The following AGAP1 variants were observed in gnomAD, a reference collection of about 807,000 sequenced individuals.
AGAP1 encodes the protein arf-GAP with GTPase, ANK repeat and PH domain-containing protein 1.
Under a neutral mutation model 105.3 loss-of-function variants are expected in AGAP1, and 29 were observed. The ratio of observed to expected loss-of-function variants is 0.28; its 90% CI spans 0.21 to 0.38. The LOEUF (loss-of-function observed/expected upper bound fraction) is 0.38, where lower values mean the gene tolerates loss of function less well. AGAP1 is among the 10% of genes least tolerant of loss of function. The pLI is 1.00. For synonymous variants in AGAP1, 509 were observed against 485.9 expected, an observed-to-expected ratio of 1.05 and a Z score of -0.63; for missense variants, 998 against 1,165.1, an observed-to-expected ratio of 0.86 and a Z score of 2.09.
intron 1 of AGAP1, among the ~76,000 whole-genome samples, chr2:235,616,229 C>T (rs898211274): frequency 4.0e-5 from 6 of 151,650 alleles, no homozygotes; most frequent in East Asian, 1.9e-4. Context: ...GGTGTGGTGA[C>T]GTGCACCTGT....
chr2:235,769,999 C>T lies in AGAP1; in HGVS notation c.673+19511C>T, dbSNP rs1347769387. ...TATCTTCTGAATACACACATTTAAA[C>T]ATGTTTTTGTGATTAAAATAACTTG... On this transcript the variant is annotated intron_variant, in intron 6 of 17. Transcript: ENST00000304032. The surrounding 1 kb of genome is among the most constrained non-coding windows in gnomAD (Gnocchi z 4.4). 1.3e-5 allele frequency among the ~76,000 whole-genome samples: 2 copies of T among 152,186 alleles called. No individual in the cohort carries two copies. Among genetic ancestry groups the T allele is most frequent in the Non-Finnish European group, 2.9e-5 (2 of 68,040 alleles).
chr2:235,509,764 C>G (rs566378793), intron 1 of AGAP1, among the ~76,000 whole-genome samples: 1 of 152,078 alleles, frequency 6.6e-6, no homozygotes, highest in Non-Finnish European at 1.5e-5. Flanking sequence ...TAAGATCATG[C>G]ATTAAAAAGG....
intron 2 of AGAP1, among the ~76,000 whole-genome samples, chr2:235,711,271 C>T (rs1351026360): frequency 6.6e-6 from 1 of 152,222 alleles, no homozygotes; most frequent in Admixed American, 6.5e-5. Flanking sequence ...AGCGGCCACC[C>T]TACTGCCAGC....
chr2:235,608,852 G>A lies in AGAP1; in HGVS notation c.164-100327G>A, dbSNP rs947419441. 6.6e-6 allele frequency among the ~76,000 whole-genome samples: 1 copy of A among 152,170 alleles called. No individual in the cohort carries two copies. Among genetic ancestry groups the A allele is most frequent in the African/African-American group, 2.4e-5 (1 of 41,442 alleles). ...AGGGTGAAATTCGAATAGATTGTACGAAGGTTTGAGAGCTGGCATGACCCA... is the reference window on the plus strand; with the variant it reads ...AGGGTGAAATTCGAATAGATTGTACAAAGGTTTGAGAGCTGGCATGACCCA... On this transcript the variant is annotated intron_variant, in intron 1 of 17. Coordinates refer to ENST00000304032, the MANE Select transcript of AGAP1 (RefSeq NM_001037131.3). This position sits in a 1 kb window ranked among gnomAD's most constrained non-coding sequence, Gnocchi z 5.4.
chr2:235,541,958 TC>T (rs1943456474), intron 1 of AGAP1, among the ~76,000 whole-genome samples: 1 of 152,192 alleles, frequency 6.6e-6, no homozygotes, highest in Admixed American at 6.5e-5. Context: ...TGGTATGACC[TC>T]CATTGGTTCT....
At chr2:236,049,560 TTTAA>T (rs2057831812) in intron 16 of AGAP1, 2 of 296,610 alleles carry the variant, frequency 6.7e-6, no homozygotes, top group Non-Finnish European at 1.3e-5. Context: ...AATATATTAC[TTTAA>T]TTAATACATT....
chr2:235,819,449 A>C (rs1443241127), intron 9 of AGAP1, among the ~76,000 whole-genome samples: 1 of 152,006 alleles, frequency 6.6e-6, no homozygotes, highest in African/African-American at 2.4e-5. Context: ...AGTGATGCTG[A>C]TGCTGCTAAT....
At position 235,732,244 on chromosome 2, in the gene AGAP1, TTAAA is replaced by T. The variant is rs1044165546; in HGVS notation, c.311-8716_311-8713del. Among the ~76,000 whole-genome samples the T allele has an allele frequency of 2.7e-4, 41 of 152,370 alleles. No homozygotes were observed. Among genetic ancestry groups the T allele is most frequent in the African/African-American group, 9.6e-4 (40 of 41,588 alleles). On this transcript the variant is annotated intron_variant, in intron 3 of 17. Coordinates refer to ENST00000304032, the MANE Select transcript of AGAP1 (RefSeq NM_001037131.3). The surrounding 1 kb of genome is among the most constrained non-coding windows in gnomAD (Gnocchi z 4.8). ...GTCCGTTTGTCAATGAACTTCTCTCTTAAATACTTTACCTCTGTCTTTTTAATCT... is the reference window on the plus strand; with the variant it reads ...GTCCGTTTGTCAATGAACTTCTCTCTTACTTTACCTCTGTCTTTTTAATCT...
rs557502321 is a variant in AGAP1 at position 235,747,610 on chromosome 2, C to T, written c.539-2744C>T. ...ACCTGCGGGATTCTCTTGGTCCTTC[C>T]CTAGACTTCAGGGAGCACCCCAGAA... On this transcript the variant is annotated intron_variant, in intron 5 of 17. Coordinates refer to ENST00000304032, the MANE Select transcript of AGAP1 (RefSeq NM_001037131.3). The surrounding 1 kb of genome is among the most constrained non-coding windows in gnomAD (Gnocchi z 5.0). Among the ~76,000 whole-genome samples the T allele has an allele frequency of 7.9e-5, 12 of 152,294 alleles. No homozygotes were observed. The South Asian group carries it at 2.5e-3, about 32-fold the overall frequency.
At position 235,714,335 on chromosome 2, in the gene AGAP1, A is replaced by G. The variant is rs1311468076; in HGVS notation, c.223-3222A>G. On this transcript the variant is annotated intron_variant, in intron 2 of 17. Coordinates refer to ENST00000304032, the MANE Select transcript of AGAP1 (RefSeq NM_001037131.3). This position sits in a 1 kb window ranked among gnomAD's most constrained non-coding sequence, Gnocchi z 4.1. ...CCAGCCAGGGGTTAGGTTTCAACATATGAGTTTGGCTGGGAGTGTGGGGGT... is the reference window on the plus strand; with the variant it reads ...CCAGCCAGGGGTTAGGTTTCAACATGTGAGTTTGGCTGGGAGTGTGGGGGT... Among the ~76,000 whole-genome samples, 1 of 151,976 alleles carries G rather than the reference A, an allele frequency of 6.6e-6. No individual in the cohort carries two copies. The highest frequency in any genetic ancestry group is 1.5e-5 in the Non-Finnish European group (1 of 67,980).
intron 11 of AGAP1, among the ~76,000 whole-genome samples, chr2:235,918,467 CTTAG>C (rs923589075): frequency 6.6e-6 from 1 of 152,174 alleles, no homozygotes; most frequent in African/African-American, 2.4e-5. Flanking sequence ...TAAAGTTCAT[CTTAG>C]TTCTTTTTAA....
At chr2:235,687,768 A>G (rs1575132326) in intron 1 of AGAP1, among the ~76,000 whole-genome samples, 1 of 152,048 alleles carries the variant, frequency 6.6e-6, no homozygotes, top group African/African-American at 2.4e-5. Context: ...TGTGATGAGG[A>G]AGGTCAGATA....
chr2:235,657,630 C>T (rs571162047), intron 1 of AGAP1, among the ~76,000 whole-genome samples: 158 of 152,334 alleles, frequency 1.0e-3, no homozygotes, highest in Non-Finnish European at 2.0e-3. Context: ...GATCCATCCG[C>T]CTCGGCCTCC....
rs181200209 is a variant in AGAP1, at chr2:235,734,414, T to G, written c.311-6549T>G. On this transcript the variant is annotated intron_variant, in intron 3 of 17. Coordinates refer to ENST00000304032, the MANE Select transcript of AGAP1 (RefSeq NM_001037131.3). This position sits in a 1 kb window ranked among gnomAD's most constrained non-coding sequence, Gnocchi z 5.3. ...AGAACCGGGGTGGCCCCACTGCATC[T>G]TGATCAGACACTGCCATGAGGTCCC... is the stretch of plus-strand genomic sequence containing the variant. 1.3e-5 allele frequency among the ~76,000 whole-genome samples: 2 copies of G among 152,186 alleles called. No individual in the cohort carries two copies. The highest frequency in any genetic ancestry group is 4.8e-5 in the African/African-American group (2 of 41,536).
chr2:235,759,060 C>G (rs537238979), intron 6 of AGAP1, among the ~76,000 whole-genome samples: 1 of 152,116 alleles, frequency 6.6e-6, no homozygotes, highest in Non-Finnish European at 1.5e-5. Flanking sequence ...TCCCAAAGTG[C>G]TGGGATTACA....
chr2:236,103,656 A>G (rs868651296), intron 16 of AGAP1, among the ~76,000 whole-genome samples: 8 of 148,990 alleles, frequency 5.4e-5, no homozygotes, highest in Non-Finnish European at 1.0e-4. Flanking sequence ...AGTAACCTCC[A>G]CCTCCTGGGT....
rs1008183932 is a variant in AGAP1 at position 235,724,315 on chromosome 2, G to A, written c.310+6671G>A. On this transcript the variant is annotated intron_variant, in intron 3 of 17. Transcript: ENST00000304032. This position sits in a 1 kb window ranked among gnomAD's most constrained non-coding sequence, Gnocchi z 4.9. ...GGCCCTGCCTCCCTCCCAGAAGGGC[G>A]ACCCTCCAGCCCCATGTCCAGGCTC... Among the ~76,000 whole-genome samples, 3 of 152,152 alleles carry A rather than the reference G, an allele frequency of 2.0e-5. No individual in the cohort carries two copies. Among genetic ancestry groups the A allele is most frequent in the Non-Finnish European group, 2.9e-5 (2 of 68,020 alleles).
chr2:235,604,332 A>G (rs1276676987), intron 1 of AGAP1, among the ~76,000 whole-genome samples: 3 of 151,800 alleles, frequency 2.0e-5, no homozygotes, highest in Non-Finnish European at 4.4e-5. Context: ...ATTTTTTTTA[A>G]TTAGCTGAAC....
At chr2:235,925,215 C>A (rs981963463) in intron 11 of AGAP1, among the ~76,000 whole-genome samples, 1 of 152,182 alleles carries the variant, frequency 6.6e-6, no homozygotes, top group African/African-American at 2.4e-5. Context: ...GTTAGACTCA[C>A]CTCGTCTACT....
Sources: allele counts gnomAD v4.1 joint callset (sites outside exome capture counted in the v4.1 genomes callset), GRCh38; gene constraint gnomAD v4.1.1; non-coding constraint Gnocchi (gnomAD v3.1); transcripts MANE v1.5; gene names NCBI Gene and HGNC (gene_info 2026-07-23, HGNC 2026-07-21).